The following GPR63 variants were observed in gnomAD, a reference collection of about 807,000 sequenced individuals.
GPR63 encodes probable G protein-coupled receptor 63.
Under a neutral mutation model 23.1 loss-of-function variants are expected in GPR63, and 12 were observed. The ratio of observed to expected loss-of-function variants is 0.52; its 90% CI spans 0.33 to 0.84. The LOEUF (loss-of-function observed/expected upper bound fraction) is 0.84. GPR63 is among the 40% of genes least tolerant of loss of function. The pLI, the probability that GPR63 is intolerant of heterozygous loss-of-function variation, is 0.02. For synonymous variants in GPR63, 172 were observed against 191.1 expected (o/e 0.90, Z 0.82); for missense variants, 472 against 515.6 (o/e 0.92, Z 0.82).
rs4839696 is a variant in GPR63 at position 96,830,996 on chromosome 6, T to A, written c.-151+6272A>T. On this transcript the variant is annotated intron_variant, in intron 1 of 1. Transcript: ENST00000229955. ...AAATATAGATGTAAACAAACACATG[T>A]GCATACACATATACACACAGCTCAA... 7.9e-3 allele frequency among the ~76,000 whole-genome samples: 1,200 copies of A among 152,368 alleles called. 16 individuals carry two copies. The highest frequency in any genetic ancestry group is 0.024 in the Admixed American group (371 of 15,310).
At chr6:96,821,963 C>G (rs984514965) in intron 1 of GPR63, among the ~76,000 whole-genome samples, 1 of 151,854 alleles carries the variant, frequency 6.6e-6, no homozygotes, top group East Asian at 1.9e-4. Context: ...TTTCATAGAA[C>G]GTAGAATCAG....
intron 1 of GPR63, among the ~76,000 whole-genome samples, chr6:96,828,647 A>C (rs1023979269): frequency 1.4e-4 from 22 of 151,948 alleles, no homozygotes; most frequent in African/African-American, 5.1e-4. Flanking sequence ...AAAAAGCAGA[A>C]TAGAAAATAC....
intron 1 of GPR63, among the ~76,000 whole-genome samples, chr6:96,826,637 T>C (rs1375464050): frequency 1.3e-5 from 2 of 152,096 alleles, no homozygotes; most frequent in Non-Finnish European, 2.9e-5. Flanking sequence ...GTGTCTTTAG[T>C]ATAGTCAAAT....
At chr6:96,832,446 T>TC (rs11437756) in intron 1 of GPR63, among the ~76,000 whole-genome samples, 4 of 151,148 alleles carry the variant, frequency 2.6e-5, no homozygotes, top group African/African-American at 9.7e-5. Context: ...TTTTTTTTTT[T>TC]ACTTTTTGGA....
chr6:96,798,437 C>G lies in GPR63; in HGVS notation c.*35G>C. ...AAGAGAATTCAATGTCAATAAAGAA[C>G]AAGCATCACCCAAAATGTCAGCCAG... is the stretch of plus-strand genomic sequence containing the variant. On this transcript the variant is annotated 3_prime_UTR_variant, in exon 2 of 2. Coordinates refer to ENST00000229955, the MANE Select transcript of GPR63 (RefSeq NM_030784.4). The G allele has an allele frequency of 6.3e-7, 1 of 1,594,366 alleles. No homozygotes were observed. The highest frequency in any genetic ancestry group is 8.5e-7 in the Non-Finnish European group (1 of 1,169,592).
intron 1 of GPR63, among the ~76,000 whole-genome samples, chr6:96,808,862 T>C (rs2127948386): frequency 6.6e-6 from 1 of 152,244 alleles, no homozygotes; most frequent in East Asian, 1.9e-4. Context: ...GCCATGCTGG[T>C]GTGCTGCACC....
intron 1 of GPR63, among the ~76,000 whole-genome samples, chr6:96,806,440 A>G (rs1361794127): frequency 6.6e-6 from 1 of 152,170 alleles, no homozygotes; most frequent in African/African-American, 2.4e-5. Context: ...ATATTTGAGT[A>G]ATCAGTAATA....
intron 1 of GPR63, among the ~76,000 whole-genome samples, chr6:96,834,377 C>A (rs534952706): frequency 6.6e-6 from 1 of 152,112 alleles, no homozygotes; most frequent in South Asian, 2.1e-4. Context: ...GAAAATTCCC[C>A]GGAAATTGAA....
At chr6:96,802,524 T>G (rs1295610451) in intron 1 of GPR63, among the ~76,000 whole-genome samples, 1 of 147,894 alleles carries the variant, frequency 6.8e-6, no homozygotes, top group Non-Finnish European at 1.5e-5. Context: ...CATCAGTAGA[T>G]AAAAAATTTT....
intron 1 of GPR63, among the ~76,000 whole-genome samples, chr6:96,815,664 C>T (rs372820183): frequency 2.0e-5 from 3 of 152,026 alleles, no homozygotes; most frequent in Non-Finnish European, 4.4e-5. Context: ...GTGAAGATAT[C>T]GCAGGTGTAC....
intron 1 of GPR63, among the ~76,000 whole-genome samples, chr6:96,810,381 A>G (rs1239401814): frequency 3.3e-5 from 5 of 151,974 alleles, no homozygotes; most frequent in Admixed American, 2.0e-4. Flanking sequence ...CTCTAATCCC[A>G]GCTACTCAGT....
chr6:96,830,885 C>A (rs980809681), intron 1 of GPR63, among the ~76,000 whole-genome samples: 3 of 152,122 alleles, frequency 2.0e-5, no homozygotes, highest in Admixed American at 1.3e-4. Flanking sequence ...CAGAGTGATA[C>A]TCAACTGATT....
At chr6:96,817,475 T>C (rs1174817973) in intron 1 of GPR63, among the ~76,000 whole-genome samples, 1 of 152,188 alleles carries the variant, frequency 6.6e-6, no homozygotes, top group African/African-American at 2.4e-5. Context: ...TAGTTATGCC[T>C]GCTCTGTTAC....
In GPR63 at chr6:96,823,552, A is replaced by G. The variant is rs571837852; in HGVS notation, c.-151+13716T>C. The stretch of plus-strand genomic sequence containing the variant: ...AAAGTTTTAAGAAATTTAAAAGTGT[A>G]TAAAGTAAAAAATTTACAGTAAGGT... On this transcript the variant is annotated intron_variant, in intron 1 of 1. Coordinates refer to ENST00000229955, the MANE Select transcript of GPR63 (RefSeq NM_030784.4). 3.3e-5 allele frequency among the ~76,000 whole-genome samples: 5 copies of G among 152,336 alleles called. No individual in the cohort carries two copies. In the East Asian group the frequency reaches 9.6e-4, roughly 29 times the overall value.
chr6:96,794,340 C>T lies in GPR63; in HGVS notation c.*4132G>A, dbSNP rs1299849155. ...AGATATCTAAGAAATGTATAATTTACCTCCAATAACAAACTTGTGCTTTGA... is the reference window on the plus strand; with the variant it reads ...AGATATCTAAGAAATGTATAATTTATCTCCAATAACAAACTTGTGCTTTGA... On this transcript the variant is annotated 3_prime_UTR_variant, in exon 2 of 2. Transcript: ENST00000229955. 2 of 151,780 alleles carry T rather than the reference C, an allele frequency of 1.3e-5. No individual in the cohort carries two copies. Among genetic ancestry groups the T allele is most frequent in the Non-Finnish European group, 2.9e-5 (2 of 67,952 alleles). The allele number at this position is 151,780 out of a possible 1,614,324, so 9.4% of individuals were successfully genotyped here.
intron 1 of GPR63, 64 bp downstream of exon 1, chr6:96,837,204 C>T (rs1481126307): frequency 6.6e-6 from 1 of 152,368 alleles, no homozygotes; most frequent in Non-Finnish European, 1.5e-5. Context: ...CGCTCCCCGC[C>T]CCGAGCGGCT....
chr6:96,828,876 G>GA (rs1225771787), intron 1 of GPR63, among the ~76,000 whole-genome samples: 1 of 152,014 alleles, frequency 6.6e-6, no homozygotes, highest in African/African-American at 2.4e-5. Flanking sequence ...TACTATCAAA[G>GA]AAAAAGAGAC....
chr6:96,830,841 G>A (rs1009809734), intron 1 of GPR63, among the ~76,000 whole-genome samples: 14 of 151,988 alleles, frequency 9.2e-5, no homozygotes, highest in Non-Finnish European at 1.6e-4. Context: ...TTCTAGTTTT[G>A]TTACTAGAAG....
intron 1 of GPR63, among the ~76,000 whole-genome samples, chr6:96,817,922 C>A (rs918989988): frequency 1.3e-5 from 2 of 149,154 alleles, no homozygotes; most frequent in South Asian, 2.1e-4. Context: ...ATGATTGGTG[C>A]GTCTTTCTGC....
Sources: gnomAD v4.1 joint callset for allele counts (sites outside exome capture counted in the v4.1 genomes callset) on GRCh38, gnomAD v4.1.1 for gene constraint, MANE v1.5 for transcripts, NCBI Gene and HGNC (gene_info 2026-07-23, HGNC 2026-07-21) for gene names.